The following COL5A1 variants were observed in gnomAD, a reference collection of about 807,000 sequenced individuals.
COL5A1 encodes the protein collagen type V alpha 1 chain.
In COL5A1, 16 loss-of-function variants were observed where a neutral mutation model predicts 263.7. The observed-to-expected ratio is 0.06, with a 90% confidence interval of 0.04 to 0.09. COL5A1 has a LOEUF of 0.09. COL5A1 is among the 10% of genes least tolerant of loss of function. The pLI, the probability that COL5A1 is intolerant of heterozygous loss-of-function variation, is 1.00. For synonymous variants in COL5A1, 1,012 were observed against 1,004.5 expected, an observed-to-expected ratio of 1.01 and a Z score of -0.14; for missense variants, 2,036 against 2,540.5, an observed-to-expected ratio of 0.80 and a Z score of 4.27.
At chr9:134,725,020 G>T (rs1466353626) in intron 4 of COL5A1, among the ~76,000 whole-genome samples, 7 of 152,190 alleles carry the variant, frequency 4.6e-5, no homozygotes, top group Non-Finnish European at 8.8e-5. Context: ...GTGATGCAGG[G>T]TGGCAAGATG....
intron 41 of COL5A1, 136 bp from the exon 42 acceptor site, chr9:134,806,053 C>T (rs2132829954): frequency 2.9e-6 from 2 of 700,052 alleles, no homozygotes; most frequent in East Asian, 5.4e-5. Flanking sequence ...GTAGTCTGTG[C>T]TTGCAAAGGG....
intron 1 of COL5A1, among the ~76,000 whole-genome samples, chr9:134,676,388 G>A (rs1285632425): frequency 1.3e-5 from 2 of 152,138 alleles, no homozygotes; most frequent in African/African-American, 4.8e-5. Context: ...TTCCTGTCTG[G>A]CCTCTGCAGC....
chr9:134,746,615 G>C (rs1835523765), intron 11 of COL5A1, among the ~76,000 whole-genome samples: 1 of 152,266 alleles, frequency 6.6e-6, no homozygotes, highest in Admixed American at 6.5e-5. Context: ...TTAGATACCA[G>C]TGGTGCCTTC....
At chr9:134,776,646 C>G (rs1430485288) in intron 27 of COL5A1, among the ~76,000 whole-genome samples, 1 of 152,212 alleles carries the variant, frequency 6.6e-6, no homozygotes, top group African/African-American at 2.4e-5. Flanking sequence ...GTGAATAGTC[C>G]TTGGTGAGAG....
intron 1 of COL5A1, among the ~76,000 whole-genome samples, chr9:134,658,645 G>A (rs1290765552): frequency 6.6e-6 from 1 of 152,240 alleles, no homozygotes; most frequent in Non-Finnish European, 1.5e-5. Flanking sequence ...CTAAAGGCAT[G>A]TCGGGGGTCT....
rs1448393699 is a variant in COL5A1 at position 134,821,990 on chromosome 9, T to C, written c.4555-107T>C. The stretch of plus-strand genomic sequence containing the variant: ...TGCTGAGGGGCCAAAGGGCATACCG[T>C]GGGGAAGGGACAGGGGAGCCGAGGG... On this transcript the variant is annotated intron_variant, in intron 58 of 65. Coordinates refer to ENST00000371817, the MANE Select transcript of COL5A1 (RefSeq NM_000093.5). This position sits in a 1 kb window ranked among gnomAD's most constrained non-coding sequence, Gnocchi z 4.2. The C allele has an allele frequency of 1.0e-6, 1 of 963,306 alleles. No homozygotes were observed. The highest frequency in any genetic ancestry group is 1.6e-5 in the African/African-American group (1 of 62,320). The allele number at this position is 963,306 out of a possible 1,614,324, so 59.7% of individuals were successfully genotyped here.
In COL5A1 at chr9:134,785,921, C is replaced by T. The variant is rs924865466; in HGVS notation, c.2593-74C>T. The stretch of plus-strand genomic sequence containing the variant: ...TCCAGGCCCCTGCCAGAACGCATGT[C>T]CTTTCTCTCTGCTCCGGGGAAACGG... On this transcript the variant is annotated intron_variant, in intron 30 of 65. Transcript: ENST00000371817. 1.8e-5 allele frequency: 25 copies of T among 1,411,164 alleles called. No individual in the cohort carries two copies. In the African/African-American group the frequency reaches 3.4e-4, roughly 19 times the overall value. The allele number at this position is 1,411,164 out of a possible 1,614,324, so 87.4% of individuals were successfully genotyped here. A position where few individuals can be genotyped will look rare whatever the true frequency, so the allele number is the denominator to read the frequency against.
chr9:134,761,956 C>A lies in COL5A1; in HGVS notation c.1967C>A (p.Pro656His), dbSNP rs748345448. Residue 656 changes from proline to histidine, a missense_variant, in exon 19 of 66, where the codon CCT (proline) becomes CAT (histidine). This residue lies in a region of COL5A1 where 1,078 missense variants were observed against 1,521.4 expected (regional missense o/e 0.71). Coordinates refer to ENST00000371817, the MANE Select transcript of COL5A1 (RefSeq NM_000093.5). ...GDPGPSGPPG[P>H]PGDDGERGDD... is the part of the protein sequence containing the mutation. ...CCTGGTCCTTCCGGCCCACCAGGAC[C>A]TCCGGGAGACGATGGAGAAAGGGTA... is the stretch of plus-strand genomic sequence containing the variant. 6.2e-7 allele frequency: 1 copy of A among 1,613,450 alleles called. No homozygotes were observed. The highest frequency in any genetic ancestry group is 1.3e-5 in the African/African-American group (1 of 74,928).
intron 59 of COL5A1, 121 bp from the exon 60 acceptor site, chr9:134,822,877 C>T: frequency 8.9e-7 from 1 of 1,127,998 alleles, no homozygotes; most frequent in Non-Finnish European, 1.3e-6. Flanking sequence ...AGCATAGACT[C>T]TTGAGGGGGA....
Position 134,829,495 on chromosome 9 carries a change from C to G in COL5A1, c.5068-481C>G, listed in dbSNP as rs570356771. Among the ~76,000 whole-genome samples the G allele has an allele frequency of 1.6e-3, 239 of 150,206 alleles. 1 individual carries two copies. Among genetic ancestry groups the G allele is most frequent in the Non-Finnish European group, 1.2e-3 (78 of 67,502 alleles). On this transcript the variant is annotated intron_variant, in intron 63 of 65. Transcript: ENST00000371817. ...CCGAGGGCCCAGGCCGGGCTCCTCA[C>G]GCAGCCTCCAGTCTCCCCGAGGGCT...
Position 134,738,475 on chromosome 9 carries a change from G to C in COL5A1, c.1391G>C (p.Gly464Ala), listed in dbSNP as rs780129604. The change falls in exon 10 of 66, where the codon GGC (glycine) becomes GCC (alanine). Residue 464 changes from glycine (G) to alanine (A), a missense_variant and splice_region_variant. Gly to Ala is a moderately conservative substitution (Grantham distance 60, BLOSUM62 0). This residue lies in a region of COL5A1 where 600 missense variants were observed against 634.5 expected (regional missense o/e 0.95). Transcript: ENST00000371817. The part of the protein sequence containing the change: ...QKGEPAIIEP[G>A]MLIEGPPGPE... ...GACGCCCTCTCTCTGTCTCCCCAGG[G>C]CATGCTCATCGAGGGCCCGCCTGGC... The C allele has an allele frequency of 6.2e-7, 1 of 1,613,946 alleles. No homozygotes were observed. The highest frequency in any genetic ancestry group is 1.1e-5 in the South Asian group (1 of 91,092).
rs1836635206 is a variant in COL5A1 at position 134,765,665 on chromosome 9, C to T, written c.2035-16C>T. 1 of 1,612,326 alleles carries T rather than the reference C, an allele frequency of 6.2e-7. No homozygotes were observed. Among genetic ancestry groups the T allele is most frequent in the African/African-American group, 1.3e-5 (1 of 74,902 alleles). ...TCTGCCCGAGTTTAAATCCTATTTT[C>T]CCTTTCCTCTTACAGGGGCCACGTG... On this transcript the variant is annotated splice_polypyrimidine_tract_variant and intron_variant, in intron 20 of 65. Transcript: ENST00000371817. The surrounding 1 kb of genome is among the most constrained non-coding windows in gnomAD (Gnocchi z 5.1).
intron 18 of COL5A1, among the ~76,000 whole-genome samples, chr9:134,760,289 ACC>A (rs1383331725): frequency 3.0e-5 from 2 of 65,904 alleles, no homozygotes; most frequent in East Asian, 6.2e-4. Flanking sequence ...ACACGCACAC[ACC>A]CCCACACCCC....
intron 1 of COL5A1, among the ~76,000 whole-genome samples, chr9:134,644,591 G>C (rs1031277114): frequency 6.8e-6 from 1 of 146,382 alleles, no homozygotes; most frequent in Non-Finnish European, 1.5e-5. Flanking sequence ...GGCAGGCGCG[G>C]GGGGGAGCCA....
intron 1 of COL5A1, among the ~76,000 whole-genome samples, chr9:134,659,275 G>C (rs1832127243): frequency 6.6e-6 from 1 of 152,190 alleles, no homozygotes; most frequent in African/African-American, 2.4e-5. Flanking sequence ...TGTAATCCCA[G>C]CTACTTGGGA....
intron 52 of COL5A1, 143 bp downstream of exon 52, chr9:134,816,131 G>T: frequency 1.2e-6 from 1 of 805,264 alleles, no homozygotes; most frequent in Non-Finnish European, 2.2e-6. Context: ...TTATGATATT[G>T]ATTCCCTTAT....
intron 9 of COL5A1, among the ~76,000 whole-genome samples, chr9:134,737,677 T>TG (rs1835153898): frequency 1.3e-5 from 2 of 152,002 alleles, no homozygotes; most frequent in South Asian, 2.1e-4. Flanking sequence ...GGGTCGGAAG[T>TG]GGGGGTCTCA....
rs745463373 is a variant in COL5A1 at position 134,824,662 on chromosome 9, C to T, written c.4761C>T (p.Ile1587=). The change falls in exon 62 of 66, where the codon ATC becomes ATT. Residue 1587 remains isoleucine (I), a synonymous_variant. Coordinates refer to ENST00000371817, the MANE Select transcript of COL5A1 (RefSeq NM_000093.5). Reference sequence around the variant, plus strand: ...AGGCATCCAGGACGCGGCGGAACATCGACGCCAGCCAGCTGCTGGACGACG... The same window carrying T: ...AGGCATCCAGGACGCGGCGGAACATTGACGCCAGCCAGCTGCTGGACGACG... ...PIQASRTRRN[I]DASQLLDDGN... is the part of the protein sequence containing the mutation. The T allele has an allele frequency of 1.4e-5, 23 of 1,614,064 alleles. No individual in the cohort carries two copies. The highest frequency in any genetic ancestry group is 1.1e-4 in the East Asian group (5 of 44,882).
chr9:134,738,633 C>T, intron 10 of COL5A1, 113 bp from the exon 11 acceptor site: 1 of 1,545,870 alleles, frequency 6.5e-7, no homozygotes, highest in Non-Finnish European at 8.9e-7. Flanking sequence ...TTGCAGATCC[C>T]CTGGGAGCCG....
Sources: allele counts gnomAD v4.1 joint callset (sites outside exome capture counted in the v4.1 genomes callset), GRCh38; gene constraint gnomAD v4.1.1; regional missense constraint gnomAD v4.1.1; non-coding constraint Gnocchi (gnomAD v3.1); transcripts MANE v1.5; gene names NCBI Gene and HGNC (gene_info 2026-07-23, HGNC 2026-07-21).